Variants in SLC9A5 observed in about 807,000 individuals in gnomAD.
SLC9A5 encodes the protein solute carrier family 9 member A5.
Under a neutral mutation model 91.7 loss-of-function variants are expected in SLC9A5, and 52 were observed. That is an observed-to-expected ratio of 0.57 (90% CI 0.45 to 0.71). The LOEUF is 0.71. Among genes scored for constraint, SLC9A5 ranks in the 30% least tolerant of loss-of-function variants. The pLI is 0.00. For missense variants in SLC9A5, 871 were observed against 1,158.9 expected (o/e 0.75, Z 3.61); for synonymous variants, 419 against 474.5 (o/e 0.88, Z 1.52).
In SLC9A5 at chr16:67,258,411, G is replaced by C; in HGVS notation, c.1590G>C (p.Arg530Ser). Residue 530 changes from arginine to serine, a missense_variant, in exon 10 of 16, where the codon AGG (arginine) becomes AGC (serine). Arg to Ser is a moderately radical substitution (Grantham distance 110). This residue lies in a region of SLC9A5 where 454 missense variants were observed against 718.3 expected (regional missense o/e 0.63). Transcript: ENST00000299798. This position sits in a 1 kb window ranked among gnomAD's most constrained non-coding sequence, Gnocchi z 4.5. The part of the protein sequence containing the change: ...IRDQIWDVYY[R>S]LNIRDAISFV... ...ACCAGATCTGGGATGTGTACTACAGGCTTAACATCCGGGATGCCATCAGCT... is the reference window on the plus strand; with the variant it reads ...ACCAGATCTGGGATGTGTACTACAGCCTTAACATCCGGGATGCCATCAGCT... 6.2e-7 allele frequency: 1 copy of C among 1,614,194 alleles called. No individual in the cohort carries two copies. The highest frequency in any genetic ancestry group is 8.5e-7 in the Non-Finnish European group (1 of 1,180,012).
At position 67,249,218 on chromosome 16, in the gene SLC9A5, G is replaced by T. The variant is rs563152388; in HGVS notation, c.187+17G>T. ...CCAAAATCGGTGAGTGCGTGTGTGC[G>T]TGCGCCAGGCCGACCGCCAGCGGCG... On this transcript the variant is annotated intron_variant, in intron 1 of 15. Coordinates refer to ENST00000299798, the MANE Select transcript of SLC9A5 (RefSeq NM_004594.3). 6 of 1,422,764 alleles carry T rather than the reference G, an allele frequency of 4.2e-6. No individual in the cohort carries two copies. Among genetic ancestry groups the T allele is most frequent in the Non-Finnish European group, 5.5e-6 (6 of 1,088,228 alleles). The allele number at this position is 1,422,764 out of a possible 1,614,324, so 88.1% of individuals were successfully genotyped here.
At chr16:67,268,661 TATATATATATA>T (rs1567421348) in intron 15 of SLC9A5, among the ~76,000 whole-genome samples, 5 of 16,810 alleles carry the variant, frequency 3.0e-4, no homozygotes, top group African/African-American at 1.1e-3. Flanking sequence ...TCCCTGATTA[TATATATATATA>T]TATATATATA....
rs1375598224 is a variant in SLC9A5, at chr16:67,255,616, C to T, written c.734-137C>T. 10 of 1,299,194 alleles carry T rather than the reference C, an allele frequency of 7.7e-6. No individual in the cohort carries two copies. The highest frequency in any genetic ancestry group is 1.1e-5 in the Non-Finnish European group (10 of 923,780). 80.5% of individuals were successfully genotyped at this position (1,299,194 alleles called of 1,614,324 possible). A position where few individuals can be genotyped will look rare whatever the true frequency, so the allele number is the denominator to read the frequency against. On this transcript the variant is annotated intron_variant, in intron 4 of 15. Transcript: ENST00000299798. The surrounding 1 kb of genome is among the most constrained non-coding windows in gnomAD (Gnocchi z 4.9). ...GAAATGGGGTCTGGGAGGGGCTTGC[C>T]AGGGATCCTGGCTCTGGGGTTTTGA...
At position 67,270,972 on chromosome 16, in the gene SLC9A5, A is replaced by T. The variant is rs772866456; in HGVS notation, c.2453A>T (p.His818Leu). 1.9e-6 allele frequency: 3 copies of T among 1,613,870 alleles called. No individual in the cohort carries two copies. The change falls in exon 16 of 16, where the codon CAT becomes CTT. Residue 818 changes from histidine to leucine, a missense_variant. Physicochemically the swap from His to Leu is moderately conservative, Grantham distance 99 (BLOSUM62 -3). Coordinates refer to ENST00000299798, the MANE Select transcript of SLC9A5 (RefSeq NM_004594.3). This position sits in a 1 kb window ranked among gnomAD's most constrained non-coding sequence, Gnocchi z 4.3. Reference sequence around the variant, plus strand: ...CCAATTCTGACCTGCCTGCCTCCCCATCCACGGGGCACTGAAGAGCCCCAG... The same window carrying T: ...CCAATTCTGACCTGCCTGCCTCCCCTTCCACGGGGCACTGAAGAGCCCCAG... ...QAPILTCLPP[H>L]PRGTEEPQVP...
rs1242245571 is a variant in SLC9A5 at position 67,252,322 on chromosome 16, G to A, written c.188-220G>A. ...AAAAATTATCTGGGCATGGTGGCGC[G>A]TGTCTGTAGTCCCCGTACTCAGGAG... On this transcript the variant is annotated intron_variant, in intron 1 of 15. Coordinates refer to ENST00000299798, the MANE Select transcript of SLC9A5 (RefSeq NM_004594.3). This position sits in a 1 kb window ranked among gnomAD's most constrained non-coding sequence, Gnocchi z 4.0. Among the ~76,000 whole-genome samples, 1 of 152,038 alleles carries A rather than the reference G, an allele frequency of 6.6e-6. No individual in the cohort carries two copies. Among genetic ancestry groups the A allele is most frequent in the African/African-American group, 2.4e-5 (1 of 41,378 alleles).
rs373941316 is a variant in SLC9A5, at chr16:67,258,467, G to A, written c.1626+20G>A. ...GACCAGGTGGGCCAGCAGCTTCCAGGTGGGCCAGTGGTGGGTGGGCAGATG... is the reference window on the plus strand; with the variant it reads ...GACCAGGTGGGCCAGCAGCTTCCAGATGGGCCAGTGGTGGGTGGGCAGATG... On this transcript the variant is annotated intron_variant, in intron 10 of 15. Transcript: ENST00000299798. This position sits in a 1 kb window ranked among gnomAD's most constrained non-coding sequence, Gnocchi z 4.5. 3.0e-5 allele frequency: 48 copies of A among 1,613,786 alleles called. No homozygotes were observed. Among genetic ancestry groups the A allele is most frequent in the South Asian group, 5.5e-5 (5 of 91,078 alleles).
In SLC9A5 at chr16:67,257,686, G is replaced by A; in HGVS notation, c.1496+85G>A. On this transcript the variant is annotated intron_variant, in intron 9 of 15. Coordinates refer to ENST00000299798, the MANE Select transcript of SLC9A5 (RefSeq NM_004594.3). This position sits in a 1 kb window ranked among gnomAD's most constrained non-coding sequence, Gnocchi z 5.1. ...GGGGGATGTGCCACACTTCTGAGAA[G>A]GGACAGAGCCAGGTTCAGGCTGGGT... The A allele has an allele frequency of 7.0e-7, 1 of 1,421,626 alleles. No individual in the cohort carries two copies. The highest frequency in any genetic ancestry group is 9.9e-7 in the Non-Finnish European group (1 of 1,010,114). The allele number at this position is 1,421,626 out of a possible 1,614,324, so 88.1% of individuals were successfully genotyped here. A position where few individuals can be genotyped will look rare whatever the true frequency, so the allele number is the denominator to read the frequency against.
chr16:67,265,990 G>A (rs2035685526), intron 14 of SLC9A5, 98 bp from the exon 15 acceptor site: 1 of 1,501,656 alleles, frequency 6.7e-7, no homozygotes, highest in Non-Finnish European at 8.9e-7. Flanking sequence ...GCCAACGTGT[G>A]TTCTGCCTAG....
At chr16:67,260,003 T>G in intron 12 of SLC9A5, 57 bp downstream of exon 12, 1 of 1,577,392 alleles carries the variant, frequency 6.3e-7, no homozygotes, top group Non-Finnish European at 8.6e-7. Context: ...GAGGAGAGCT[T>G]AAGAGGCAGT....
In SLC9A5 at chr16:67,256,351, C is replaced by A; in HGVS notation, c.912-118C>A. The A allele has an allele frequency of 1.4e-6, 1 of 721,406 alleles. No individual in the cohort carries two copies. The highest frequency in any genetic ancestry group is 2.4e-6 in the Non-Finnish European group (1 of 416,444). The allele number at this position is 721,406 out of a possible 1,614,324, so 44.7% of individuals were successfully genotyped here. A position where few individuals can be genotyped will look rare whatever the true frequency, so the allele number is the denominator to read the frequency against. ...GTCTTCAGGCCTCCCTGGGCTTCAG[C>A]TCTGAGAGTCTGACATCCTGTAATG... On this transcript the variant is annotated intron_variant, in intron 5 of 15. Coordinates refer to ENST00000299798, the MANE Select transcript of SLC9A5 (RefSeq NM_004594.3). This position sits in a 1 kb window ranked among gnomAD's most constrained non-coding sequence, Gnocchi z 4.1.
intron 12 of SLC9A5, chr16:67,263,812 TGGG>T (rs1421668212): frequency 2.6e-5 from 4 of 151,830 alleles, no homozygotes; most frequent in Non-Finnish European, 5.8e-5. Flanking sequence ...AAGCAGATGA[TGGG>T]GGTGATCCTG....
Position 67,271,047 on chromosome 16 carries a change from C to T in SLC9A5, c.2528C>T (p.Pro843Leu), listed in dbSNP as rs199584921. 25 of 1,612,244 alleles carry T rather than the reference C, an allele frequency of 1.6e-5. No individual in the cohort carries two copies. The highest frequency in any genetic ancestry group is 4.4e-5 in the South Asian group (4 of 90,962). The part of the protein sequence containing the change: ...SDPRSSFAFP[P>L]SLAKAGRSRS... ...CCACGCTCTAGCTTCGCCTTCCCAC[C>T]GAGCCTGGCCAAGGCTGGCCGCTCT... The change falls in exon 16 of 16, where the codon CCG becomes CTG. Residue 843 changes from proline to leucine, a missense_variant. Transcript: ENST00000299798.
rs140125100 is a variant in SLC9A5, at chr16:67,252,396, G to A, written c.188-146G>A. 1,385 of 701,714 alleles carry A rather than the reference G, an allele frequency of 2.0e-3. 11 individuals carry two copies. In the African/African-American group the frequency reaches 0.022, roughly 11 times the overall value. 43.5% of individuals were successfully genotyped at this position (701,714 alleles called of 1,614,324 possible). ...ACCCGGGAGGTGAAGGTTGCAGTGA[G>A]CTGAGATTGTGCTACTGCACTCCAG... is the stretch of plus-strand genomic sequence containing the variant. On this transcript the variant is annotated intron_variant, in intron 1 of 15. Transcript: ENST00000299798. This position sits in a 1 kb window ranked among gnomAD's most constrained non-coding sequence, Gnocchi z 4.0.
Position 67,252,447 on chromosome 16 carries a change from C to T in SLC9A5, c.188-95C>T. The T allele has an allele frequency of 3.6e-6, 4 of 1,097,826 alleles. No homozygotes were observed. Among genetic ancestry groups the T allele is most frequent in the Non-Finnish European group, 5.2e-6 (4 of 767,384 alleles). The allele number at this position is 1,097,826 out of a possible 1,614,324, so 68.0% of individuals were successfully genotyped here. On this transcript the variant is annotated intron_variant, in intron 1 of 15. Transcript: ENST00000299798. This position sits in a 1 kb window ranked among gnomAD's most constrained non-coding sequence, Gnocchi z 4.0. ...CTTGGGCAACAGAGTGAGACTTCAT[C>T]TCAAAAAAAAAAAAACAAAACTGGG...
At chr16:67,268,103 C>A (rs2035777280) in intron 15 of SLC9A5, among the ~76,000 whole-genome samples, 1 of 151,878 alleles carries the variant, frequency 6.6e-6, no homozygotes, top group Non-Finnish European at 1.5e-5. Flanking sequence ...CCTTGAATGC[C>A]CCGACTTAAG....
chr16:67,268,661 TATATATATA>T (rs2035803215), intron 15 of SLC9A5, among the ~76,000 whole-genome samples: 6 of 16,824 alleles, frequency 3.6e-4, no homozygotes, highest in Admixed American at 5.9e-4. Flanking sequence ...TCCCTGATTA[TATATATATA>T]TATATATATA....
chr16:67,260,845 C>T (rs529830201), intron 12 of SLC9A5, among the ~76,000 whole-genome samples: 2 of 152,342 alleles, frequency 1.3e-5, no homozygotes, highest in South Asian at 4.1e-4. Context: ...TGCAACCCCA[C>T]AAGAGGGCAG....
In SLC9A5 at chr16:67,255,895, C is replaced by T; in HGVS notation, c.876C>T (p.Leu292=). The change falls in exon 5 of 16, where the codon CTC becomes CTT. Residue 292 remains leucine (L), a synonymous_variant. Transcript: ENST00000299798. This position sits in a 1 kb window ranked among gnomAD's most constrained non-coding sequence, Gnocchi z 4.9. ...TCCTCCTCGCCTACGCAGCCTACCTCACTGCTGAAATGGCCTCGCTCTCCG... is the reference window on the plus strand; with the variant it reads ...TCCTCCTCGCCTACGCAGCCTACCTTACTGCTGAAATGGCCTCGCTCTCCG... ...LVFLLAYAAY[L]TAEMASLSAI... is the part of the protein sequence containing the mutation. 6.2e-7 allele frequency: 1 copy of T among 1,613,870 alleles called. No homozygotes were observed. Among genetic ancestry groups the T allele is most frequent in the South Asian group, 1.1e-5 (1 of 90,978 alleles).
At position 67,259,807 on chromosome 16, in the gene SLC9A5, C is replaced by T. The variant is rs747296896; in HGVS notation, c.1716-13C>T. On this transcript the variant is annotated splice_polypyrimidine_tract_variant and intron_variant, in intron 11 of 15. Transcript: ENST00000299798. Reference sequence around the variant, plus strand: ...GCCCCCTCTCCAGCACATGTGTCCCCTGCCTCCTGCAGGAGGGAGAGTGGC... The same window carrying T: ...GCCCCCTCTCCAGCACATGTGTCCCTTGCCTCCTGCAGGAGGGAGAGTGGC... 6.2e-7 allele frequency: 1 copy of T among 1,613,730 alleles called. No homozygotes were observed. Among genetic ancestry groups the T allele is most frequent in the African/African-American group, 1.3e-5 (1 of 74,912 alleles).
Sources: allele counts gnomAD v4.1 joint callset (sites outside exome capture counted in the v4.1 genomes callset), GRCh38; gene constraint gnomAD v4.1.1; regional missense constraint gnomAD v4.1.1; non-coding constraint Gnocchi (gnomAD v3.1); transcripts MANE v1.5; gene names NCBI Gene and HGNC (gene_info 2026-07-23, HGNC 2026-07-21).